Variants in PIK3C3 observed in about 807,000 individuals in gnomAD.
PIK3C3 encodes PI3-kinase type 3.
A neutral mutation model predicts 126.1 loss-of-function variants in PIK3C3; 95 were observed. The observed-to-expected ratio is 0.75, with a 90% CI of 0.64 to 0.89. The LOEUF is 0.89. PIK3C3 is among the 40% of genes least tolerant of loss of function. The pLI is 0.00. For missense variants in PIK3C3, 829 were observed against 1,063.2 expected, an observed-to-expected ratio of 0.78 and a Z score of 3.06; for synonymous variants, 374 against 360.0, an observed-to-expected ratio of 1.04 and a Z score of -0.44.
At chr18:42,054,323 G>C (rs1166864494) in intron 21 of PIK3C3, among the ~76,000 whole-genome samples, 6 of 150,932 alleles carry the variant, frequency 4.0e-5, no homozygotes, top group African/African-American at 1.5e-4. Flanking sequence ...TTCGAGGGTA[G>C]GAAACATTCA....
intron 22 of PIK3C3, chr18:42,059,655 A>T (rs1325106476): frequency 6.6e-6 from 1 of 152,226 alleles, no homozygotes; most frequent in Non-Finnish European, 1.5e-5. Flanking sequence ...TGCTACAAAG[A>T]AAAGCCACAG....
intron 3 of PIK3C3, 144 bp from the exon 4 acceptor site, chr18:41,970,183 T>C: frequency 1.5e-6 from 1 of 674,972 alleles, no homozygotes; most frequent in South Asian, 1.9e-5. Context: ...GGTTAATTGC[T>C]TTACATTCCA....
chr18:42,038,318 T>C (rs548781806), intron 17 of PIK3C3, among the ~76,000 whole-genome samples: 2 of 152,250 alleles, frequency 1.3e-5, no homozygotes, highest in Non-Finnish European at 2.9e-5. Context: ...CCTTAATCAA[T>C]TTAATTTTGA....
intron 24 of PIK3C3, among the ~76,000 whole-genome samples, 154 bp downstream of exon 24, chr18:42,067,667 G>A (rs542006069): frequency 2.0e-5 from 3 of 152,320 alleles, no homozygotes; most frequent in South Asian, 2.1e-4. Flanking sequence ...AGTGAATTGT[G>A]TTTCACACGT....
rs747738128 is a variant in PIK3C3, at chr18:41,957,622, G to T, written c.121G>T (p.Asp41Tyr). The change falls in exon 2 of 25, where the codon GAC becomes TAC. Residue 41 changes from aspartate (D) to tyrosine (Y), a missense_variant. This residue lies in a region of PIK3C3 where 313 missense variants were observed against 340.7 expected (regional missense o/e 0.92). Transcript: ENST00000262039. Reference protein sequence around the residue: ...EQKSYKAVLEDPMLKFSGLYQ... With the variant: ...EQKSYKAVLEYPMLKFSGLYQ... ...AAAGAGTTATAAAGCTGTCCTGGAAGACCCAATGTTGAAGTTCTCAGGACT... is the reference window on the plus strand; with the variant it reads ...AAAGAGTTATAAAGCTGTCCTGGAATACCCAATGTTGAAGTTCTCAGGACT... The T allele has an allele frequency of 6.2e-7, 1 of 1,612,994 alleles. No individual in the cohort carries two copies. Among genetic ancestry groups the T allele is most frequent in the South Asian group, 1.1e-5 (1 of 90,948 alleles).
intron 11 of PIK3C3, 69 bp from the exon 12 acceptor site, chr18:42,015,406 TA>T: frequency 8.6e-7 from 1 of 1,158,844 alleles, no homozygotes; most frequent in Non-Finnish European, 1.3e-6. Context: ...AACTGTTCCA[TA>T]AAAAATTGTG....
chr18:42,031,570 G>A (rs767483051), intron 15 of PIK3C3, among the ~76,000 whole-genome samples: 11 of 152,000 alleles, frequency 7.2e-5, no homozygotes, highest in South Asian at 2.1e-4. Flanking sequence ...GACTGCAGGC[G>A]TGCACCACCA....
intron 2 of PIK3C3, among the ~76,000 whole-genome samples, chr18:41,959,535 C>A (rs1263331282): frequency 6.6e-6 from 1 of 152,062 alleles, no homozygotes; most frequent in African/African-American, 2.4e-5. Flanking sequence ...GGATAAAATA[C>A]CACGAGAATA....
chr18:42,006,624 A>G (rs1982558237), intron 10 of PIK3C3, among the ~76,000 whole-genome samples: 1 of 152,136 alleles, frequency 6.6e-6, no homozygotes, highest in Non-Finnish European at 1.5e-5. Flanking sequence ...AAAAATTTCA[A>G]TGCCAGCATG....
At chr18:42,023,013 A>G (rs762810274) in intron 13 of PIK3C3, among the ~76,000 whole-genome samples, 1 of 152,146 alleles carries the variant, frequency 6.6e-6, no homozygotes, top group Non-Finnish European at 1.5e-5. Flanking sequence ...TTTGTGGGGT[A>G]TGTTTCTAAG....
intron 19 of PIK3C3, among the ~76,000 whole-genome samples, chr18:42,043,035 A>T (rs767246619): frequency 6.6e-6 from 1 of 151,888 alleles, no homozygotes; most frequent in Non-Finnish European, 1.5e-5. Context: ...TTAAATATAT[A>T]TTCCAGATGC....
At chr18:41,967,730 G>T (rs532448150) in intron 3 of PIK3C3, among the ~76,000 whole-genome samples, 1 of 152,312 alleles carries the variant, frequency 6.6e-6, no homozygotes, top group African/African-American at 2.4e-5. Context: ...CTAAAGAATG[G>T]ATTGATTGTT....
At chr18:42,051,085 G>C (rs1984782083) in intron 21 of PIK3C3, 1 of 152,226 alleles carries the variant, frequency 6.6e-6, no homozygotes, top group African/African-American at 2.4e-5. Flanking sequence ...TGAACAGCTA[G>C]TAGATGCTGG....
chr18:42,026,429 A>G (rs892485585), intron 13 of PIK3C3: 7 of 152,118 alleles, frequency 4.6e-5, no homozygotes, highest in Non-Finnish European at 8.8e-5. Flanking sequence ...ATCTGTGTGC[A>G]TATGTGGCTG....
intron 12 of PIK3C3, among the ~76,000 whole-genome samples, chr18:42,017,383 A>G (rs1238517187): frequency 2.6e-5 from 4 of 152,140 alleles, no homozygotes; most frequent in South Asian, 2.1e-4. Flanking sequence ...AAATCTGCTC[A>G]TATTTTATGA....
chr18:42,057,549 A>T (rs1267798825), intron 21 of PIK3C3: 1 of 198,250 alleles, frequency 5.0e-6, no homozygotes, highest in Non-Finnish European at 1.0e-5. Flanking sequence ...TTTCTACAAG[A>T]TTCCACTTTC....
At chr18:42,067,689 A>G (rs1985602357) in intron 24 of PIK3C3, among the ~76,000 whole-genome samples, 176 bp downstream of exon 24, 1 of 152,248 alleles carries the variant, frequency 6.6e-6, no homozygotes. Flanking sequence ...ACTAATTCCA[A>G]AACATCTGCT....
intron 21 of PIK3C3, 98 bp from the exon 22 acceptor site, chr18:42,057,785 T>C: frequency 2.8e-6 from 3 of 1,075,232 alleles, no homozygotes; most frequent in Non-Finnish European, 4.2e-6. Flanking sequence ...CTAATATTCT[T>C]TATGAAGAGA....
intron 10 of PIK3C3, among the ~76,000 whole-genome samples, chr18:42,007,069 C>T (rs904184406): frequency 1.3e-5 from 2 of 151,970 alleles, no homozygotes; most frequent in Non-Finnish European, 2.9e-5. Flanking sequence ...GGGGTTTCAC[C>T]GTGTTAGCCA....
Sources: gnomAD v4.1 joint callset for allele counts (sites outside exome capture counted in the v4.1 genomes callset) on GRCh38, gnomAD v4.1.1 for gene constraint, gnomAD v4.1.1 regional missense constraint, MANE v1.5 for transcripts, NCBI Gene and HGNC (gene_info 2026-07-23, HGNC 2026-07-21) for gene names.